TESK2: variants seen among roughly 807,000 people sequenced by gnomAD.
TESK2 encodes dual specificity testis-specific protein kinase 2.
A neutral mutation model predicts 57.1 loss-of-function variants in TESK2; 39 were observed. That is an observed-to-expected ratio of 0.68 (90% CI 0.53 to 0.89). TESK2 has a LOEUF of 0.89. Among genes scored for constraint, TESK2 ranks in the 40% least tolerant of loss-of-function variants. The pLI, the probability that TESK2 is intolerant of heterozygous loss-of-function variation, is 0.00. For missense variants in TESK2, 646 were observed against 732.1 expected (o/e 0.88, Z 1.36); for synonymous variants, 249 against 267.9 (o/e 0.93, Z 0.69).
At chr1:45,434,214 G>A (rs1196643101) in intron 2 of TESK2, among the ~76,000 whole-genome samples, 1 of 152,040 alleles carries the variant, frequency 6.6e-6, no homozygotes, top group South Asian at 2.1e-4. Context: ...GGCTGGTCTC[G>A]AACTCCGGAG....
chr1:45,435,623 C>CT (rs548276799), intron 2 of TESK2, among the ~76,000 whole-genome samples: 932 of 69,178 alleles, frequency 0.013, 6 homozygotes, highest in African/African-American at 0.023. Context: ...GCTCAGTATT[C>CT]TTTTTTTTTT....
chr1:45,396,163 A>G (rs2492835), intron 3 of TESK2, among the ~76,000 whole-genome samples: 152,177 of 152,288 alleles, frequency 1, 76,034 homozygotes, highest in Non-Finnish European at 1. Context: ...CCAGGCTAGA[A>G]TGCAGCAGCG....
intron 2 of TESK2, among the ~76,000 whole-genome samples, chr1:45,454,695 C>A (rs554749329): frequency 1.9e-4 from 29 of 152,114 alleles, no homozygotes; most frequent in African/African-American, 7.0e-4. Context: ...AGCAAAGAAC[C>A]AAATAGATAC....
At chr1:45,378,385 G>C (rs1648521616) in intron 4 of TESK2, among the ~76,000 whole-genome samples, 1 of 152,124 alleles carries the variant, frequency 6.6e-6, no homozygotes, top group South Asian at 2.1e-4. Flanking sequence ...AACTTGCAAG[G>C]CTAGGTCATA....
intron 2 of TESK2, among the ~76,000 whole-genome samples, chr1:45,437,850 A>C (rs530703109): frequency 6.6e-6 from 1 of 152,220 alleles, no homozygotes; most frequent in Admixed American, 6.5e-5. Context: ...GGCTGGTTTG[A>C]TATGAGACAG....
chr1:45,470,018 C>T lies in TESK2; in HGVS notation c.-86-12147G>A, dbSNP rs1431586174. Among the ~76,000 whole-genome samples the T allele has an allele frequency of 1.5e-4, 23 of 152,112 alleles. 2 individuals carry two copies. The highest frequency in any genetic ancestry group is 1.5e-3 in the Admixed American group (23 of 15,264). On this transcript the variant is annotated intron_variant, in intron 1 of 10. Transcript: ENST00000372086. ...ATCCAAATATGGAATCATATGTGCA[C>T]AAAGTTGGTAATATTATCCCACAAA... is the stretch of plus-strand genomic sequence containing the variant.
intron 2 of TESK2, among the ~76,000 whole-genome samples, chr1:45,433,895 T>TC (rs1377497799): frequency 1.3e-5 from 2 of 152,152 alleles, no homozygotes; most frequent in African/African-American, 4.8e-5. Flanking sequence ...TAATTTACAT[T>TC]CCCCCCAAGA....
chr1:45,386,345 C>CAAA (rs11314981), intron 3 of TESK2, among the ~76,000 whole-genome samples: 15 of 45,962 alleles, frequency 3.3e-4, no homozygotes, highest in East Asian at 6.9e-4. Context: ...GACTTTGACT[C>CAAA]AAAAAAAAAA....
chr1:45,357,209 A>G (rs1647464640), intron 4 of TESK2, among the ~76,000 whole-genome samples: 1 of 94,372 alleles, frequency 1.1e-5, no homozygotes, highest in South Asian at 3.5e-4. Flanking sequence ...AAATAAATAA[A>G]TAAATAAATA....
At chr1:45,442,005 C>T (rs557879257) in intron 2 of TESK2, among the ~76,000 whole-genome samples, 10 of 152,210 alleles carry the variant, frequency 6.6e-5, no homozygotes, top group African/African-American at 2.2e-4. Context: ...GGTGCTATCT[C>T]GGCTCACCGC....
At chr1:45,386,027 C>A in intron 3 of TESK2, 67 bp from the exon 4 acceptor site, 1 of 1,300,968 alleles carries the variant, frequency 7.7e-7, no homozygotes, top group South Asian at 1.2e-5. Context: ...ATAGAGAAAT[C>A]AGGTTAGTTA....
chr1:45,430,574 T>C (rs904612455), intron 2 of TESK2, among the ~76,000 whole-genome samples: 1 of 152,234 alleles, frequency 6.6e-6, no homozygotes, highest in East Asian at 1.9e-4. Flanking sequence ...TTGATCTCTC[T>C]GATCTCTTTG....
At chr1:45,397,237 A>G (rs1649407646) in intron 3 of TESK2, among the ~76,000 whole-genome samples, 1 of 152,204 alleles carries the variant, frequency 6.6e-6, no homozygotes, top group Non-Finnish European at 1.5e-5. Context: ...TTATTATCCC[A>G]ATCATACCAA....
intron 1 of TESK2, among the ~76,000 whole-genome samples, chr1:45,484,170 G>C (rs1450370634): frequency 1.4e-5 from 2 of 146,118 alleles, no homozygotes; most frequent in Non-Finnish European, 3.0e-5. Context: ...GTACAGCGGC[G>C]CGATCTCGGC....
chr1:45,444,740 G>A (rs949535654), intron 2 of TESK2, among the ~76,000 whole-genome samples: 7 of 152,192 alleles, frequency 4.6e-5, no homozygotes, highest in Admixed American at 1.3e-4. Context: ...TAACATCGCT[G>A]ACTCCATCTT....
At chr1:45,442,169 C>T (rs1275533082) in intron 2 of TESK2, among the ~76,000 whole-genome samples, 3 of 152,160 alleles carry the variant, frequency 2.0e-5, no homozygotes, top group African/African-American at 7.2e-5. Context: ...CTCCCAACCT[C>T]AGGTGATCCA....
intron 1 of TESK2, among the ~76,000 whole-genome samples, chr1:45,460,374 G>A (rs1406021289): frequency 2.6e-5 from 4 of 151,982 alleles, no homozygotes; most frequent in Non-Finnish European, 4.4e-5. Flanking sequence ...AAAAAAATTA[G>A]CTGGGCGTGG....
chr1:45,385,637 A>G (rs1439448206), intron 4 of TESK2, among the ~76,000 whole-genome samples: 1 of 151,636 alleles, frequency 6.6e-6, no homozygotes, highest in Non-Finnish European at 1.5e-5. Flanking sequence ...TTATGAGGGA[A>G]TAGAAGGACA....
intron 4 of TESK2, among the ~76,000 whole-genome samples, chr1:45,368,644 A>G (rs11808331): frequency 4.5e-4 from 62 of 137,754 alleles, no homozygotes; most frequent in African/African-American, 1.3e-3. Flanking sequence ...CAAAGTGCTG[A>G]GATTACAGGC....
Sources: allele counts gnomAD v4.1 joint callset (sites outside exome capture counted in the v4.1 genomes callset), GRCh38; gene constraint gnomAD v4.1.1; transcripts MANE v1.5; gene names NCBI Gene and HGNC (gene_info 2026-07-23, HGNC 2026-07-21).